The following B4GALNT3 variants were observed in gnomAD, a reference collection of about 807,000 sequenced individuals.
B4GALNT3 encodes beta-1,4-N-acetyl-galactosaminyltransferase 3.
A neutral mutation model predicts 120.2 loss-of-function variants in B4GALNT3; 86 were observed. That is an observed-to-expected ratio of 0.72 (90% CI 0.60 to 0.86). The LOEUF (loss-of-function observed/expected upper bound fraction) is 0.86, where lower values mean the gene tolerates loss of function less well. Among genes scored for constraint, B4GALNT3 ranks in the 40% least tolerant of loss-of-function variants. The pLI, the probability that B4GALNT3 is intolerant of heterozygous loss-of-function variation, is 0.00. For synonymous variants in B4GALNT3, 518 were observed against 510.4 expected, an observed-to-expected ratio of 1.01 and a Z score of -0.20; for missense variants, 1,167 against 1,298.9, an observed-to-expected ratio of 0.90 and a Z score of 1.56.
intron 1 of B4GALNT3, among the ~76,000 whole-genome samples, chr12:488,881 A>G (rs1410270355): frequency 6.8e-6 from 1 of 147,396 alleles, no homozygotes; most frequent in Non-Finnish European, 1.5e-5. Flanking sequence ...TGTAAACTCT[A>G]GGGCTCCACT....
intron 1 of B4GALNT3, among the ~76,000 whole-genome samples, chr12:466,869 C>CT (rs913024015): frequency 9.2e-5 from 14 of 151,900 alleles, no homozygotes; most frequent in Admixed American, 4.6e-4. Context: ...TGTGGTTCCT[C>CT]TTTTTTTTCA....
Position 552,193 on chromosome 12 carries a change from G to T in B4GALNT3, c.1208+30G>T, listed in dbSNP as rs374348146. On this transcript the variant is annotated intron_variant, in intron 12 of 19. Coordinates refer to ENST00000266383, the MANE Select transcript of B4GALNT3 (RefSeq NM_173593.4). ...GAGACACTGAGTGGGGCAGGAAGGTGACCTTGCAGAGGGCTCTGCGGGAGC... is the reference window on the plus strand; with the variant it reads ...GAGACACTGAGTGGGGCAGGAAGGTTACCTTGCAGAGGGCTCTGCGGGAGC... 28 of 1,559,696 alleles carry T rather than the reference G, an allele frequency of 1.8e-5. No individual in the cohort carries two copies. The African/African-American group carries it at 3.7e-4, about 20-fold the overall frequency.
At chr12:547,729 G>C (rs1947025639) in intron 7 of B4GALNT3, among the ~76,000 whole-genome samples, 1 of 152,104 alleles carries the variant, frequency 6.6e-6, no homozygotes, top group African/African-American at 2.4e-5. Context: ...AAAGCATTTA[G>C]AACAGTGTCT....
intron 1 of B4GALNT3, among the ~76,000 whole-genome samples, chr12:519,869 A>T (rs899196427): frequency 6.6e-6 from 1 of 152,144 alleles, no homozygotes; most frequent in African/African-American, 2.4e-5. Context: ...CGCTCGCCAT[A>T]ACCCTTGGGT....
intron 1 of B4GALNT3, among the ~76,000 whole-genome samples, chr12:501,580 C>A (rs1173133807): frequency 6.6e-6 from 1 of 151,792 alleles, no homozygotes. Flanking sequence ...GACTCTGTCT[C>A]AAAATAAGAA....
chr12:544,406 G>T lies in B4GALNT3; in HGVS notation c.419G>T (p.Arg140Met), dbSNP rs755006134. 6.8e-6 allele frequency: 11 copies of T among 1,613,634 alleles called. No homozygotes were observed. Among genetic ancestry groups the T allele is most frequent in the South Asian group, 5.5e-5 (5 of 91,088 alleles). ...GGCAGCTCTATCCAGCAGCTCAGGA[G>T]GAACCTGCATTTCCCACTGTACCCC... ...WCGSSIQQLR[R>M]NLHFPLYPHI... Residue 140 changes from arginine to methionine, a missense_variant, in exon 4 of 20, where the codon AGG becomes ATG. Physicochemically the swap from Arg to Met is moderately conservative, Grantham distance 91 (BLOSUM62 -1). This residue lies in a region of B4GALNT3 where 13 missense variants were observed against 35.1 expected (regional missense o/e 0.37). Transcript: ENST00000266383.
At chr12:479,238 G>T (rs1397840623) in intron 1 of B4GALNT3, among the ~76,000 whole-genome samples, 3 of 152,094 alleles carry the variant, frequency 2.0e-5, no homozygotes, top group Admixed American at 6.6e-5. Context: ...ATGAAGCAGG[G>T]TCTCACCATG....
At chr12:508,755 C>T (rs1297106032) in intron 1 of B4GALNT3, among the ~76,000 whole-genome samples, 1 of 152,202 alleles carries the variant, frequency 6.6e-6, no homozygotes, top group Non-Finnish European at 1.5e-5. Context: ...TACAAACATA[C>T]TACTTTGAGG....
intron 1 of B4GALNT3, among the ~76,000 whole-genome samples, chr12:512,172 G>T (rs369104663): frequency 1.5e-4 from 3 of 20,432 alleles, no homozygotes; most frequent in African/African-American, 4.1e-4. Flanking sequence ...TCCACCTTCC[G>T]CCTTCCGCCT....
Position 546,241 on chromosome 12 carries a change from G to A in B4GALNT3, c.640-405G>A, listed in dbSNP as rs1313772370. On this transcript the variant is annotated intron_variant, in intron 6 of 19. Coordinates refer to ENST00000266383, the MANE Select transcript of B4GALNT3 (RefSeq NM_173593.4). ...GGGTGTGGGAGGAGGGGAGTGGGGA[G>A]GTGGGGAGAGGAGTAAGGAGTGGGG... is the stretch of plus-strand genomic sequence containing the variant. Among the ~76,000 whole-genome samples, 5 of 107,440 alleles carry A rather than the reference G, an allele frequency of 4.7e-5. No individual in the cohort carries two copies. In the Admixed American group the frequency reaches 4.8e-4, roughly 10 times the overall value. The allele number at this position is 107,440 out of a possible 152,430, so 70.5% of individuals were successfully genotyped here. A position where few individuals can be genotyped will look rare whatever the true frequency, so the allele number is the denominator to read the frequency against.
intron 1 of B4GALNT3, among the ~76,000 whole-genome samples, chr12:463,136 A>G: frequency 6.6e-6 from 1 of 152,074 alleles, no homozygotes; most frequent in East Asian, 1.9e-4. Context: ...ACCACCCACC[A>G]GCTCCCTGTC....
At chr12:556,196 C>A (rs1328687306) in intron 14 of B4GALNT3, among the ~76,000 whole-genome samples, 1 of 152,150 alleles carries the variant, frequency 6.6e-6, no homozygotes, top group East Asian at 1.9e-4. Flanking sequence ...TGACATCTGT[C>A]TTATAACTCA....
intron 1 of B4GALNT3, among the ~76,000 whole-genome samples, chr12:475,567 T>G (rs1483563817): frequency 1.3e-5 from 2 of 152,124 alleles, no homozygotes; most frequent in South Asian, 2.1e-4. Context: ...GCGCCTCCTC[T>G]TCGCCCTGTG....
chr12:524,603 C>T (rs1264618425), intron 1 of B4GALNT3, among the ~76,000 whole-genome samples: 1 of 137,042 alleles, frequency 7.3e-6, no homozygotes, highest in Non-Finnish European at 1.6e-5. Flanking sequence ...ATTCAACAAA[C>T]AAAAGGGTCT....
chr12:479,538 A>G (rs773338029), intron 1 of B4GALNT3, among the ~76,000 whole-genome samples: 5 of 152,164 alleles, frequency 3.3e-5, no homozygotes, highest in Admixed American at 1.3e-4. Flanking sequence ...TCAGGGAAAT[A>G]TGGGGGACAG....
intron 1 of B4GALNT3, among the ~76,000 whole-genome samples, chr12:500,865 C>CTTTTTTTTTTTTCTTTTTTTTTTT (rs1946433627): frequency 1.6e-5 from 1 of 61,830 alleles, no homozygotes; most frequent in Non-Finnish European, 2.7e-5. Flanking sequence ...GGCTCCACTG[C>CTTTTTTTTTTTTCTTTTTTTTTTT]TTTTTTTTTT....
At chr12:523,257 A>C (rs1262601012) in intron 1 of B4GALNT3, among the ~76,000 whole-genome samples, 1 of 152,196 alleles carries the variant, frequency 6.6e-6, no homozygotes, top group African/African-American at 2.4e-5. Flanking sequence ...TAAATATGCC[A>C]GGCCTCTCAC....
At chr12:482,645 G>A (rs1432047197) in intron 1 of B4GALNT3, among the ~76,000 whole-genome samples, 1 of 152,190 alleles carries the variant, frequency 6.6e-6, no homozygotes, top group African/African-American at 2.4e-5. Flanking sequence ...TTTCCGGTGA[G>A]AGAGATGGGG....
At chr12:494,883 A>G (rs1454787671) in intron 1 of B4GALNT3, among the ~76,000 whole-genome samples, 1 of 152,116 alleles carries the variant, frequency 6.6e-6, no homozygotes, top group Non-Finnish European at 1.5e-5. Flanking sequence ...CATTGTCCGG[A>G]TTTAGTCTCA....
Sources: gnomAD v4.1 joint callset for allele counts (sites outside exome capture counted in the v4.1 genomes callset) on GRCh38, gnomAD v4.1.1 for gene constraint, gnomAD v4.1.1 regional missense constraint, MANE v1.5 for transcripts, NCBI Gene and HGNC (gene_info 2026-07-23, HGNC 2026-07-21) for gene names.